BBOF1: variants seen among roughly 807,000 people sequenced by gnomAD.
BBOF1 encodes basal body orientation factor 1, also known as basal body-orientation factor 1.
In BBOF1, 62 loss-of-function variants were observed where a neutral mutation model predicts 68.0. That is an observed-to-expected ratio of 0.91 (90% CI 0.74 to 1.13). The LOEUF (loss-of-function observed/expected upper bound fraction) is 1.13. Among genes scored for constraint, BBOF1 ranks in the 50% most tolerant of loss-of-function variants. The pLI is 0.00. For synonymous variants in BBOF1, 208 were observed against 198.8 expected (o/e 1.05, Z -0.39); for missense variants, 534 against 600.1 (o/e 0.89, Z 1.15).
At chr14:74,024,736 G>A (rs1462152673) in intron 2 of BBOF1, among the ~76,000 whole-genome samples, 2 of 152,014 alleles carry the variant, frequency 1.3e-5, no homozygotes, top group African/African-American at 4.8e-5. Context: ...AAAGTGCTGG[G>A]ATTGCAAGCA....
chr14:74,019,509 G>C lies in BBOF1; in HGVS notation c.31G>C (p.Gly11Arg). ...GTCGAAGGGAAAGGACAAAAAGAAA[G>C]GCAAGAGCAAAGGCAAAGACACGAA... The part of the protein sequence containing the change: MPSKGKDKKK[G>R]KSKGKDTKKL... Residue 11 changes from glycine to arginine, a missense_variant, in exon 1 of 12, where the codon GGC becomes CGC. By Grantham distance (125) the Gly-to-Arg change is moderately radical. Transcript: ENST00000394009. The C allele has an allele frequency of 6.2e-7, 1 of 1,605,208 alleles. No homozygotes were observed. The highest frequency in any genetic ancestry group is 2.3e-5 in the East Asian group (1 of 44,386).
intron 8 of BBOF1, among the ~76,000 whole-genome samples, chr14:74,052,950 T>A (rs1481697554): frequency 4.9e-3 from 8 of 1,642 alleles, no homozygotes; most frequent in African/African-American, 0.035. Flanking sequence ...CAGTGAGCCA[T>A]GGCTGCAGTG....
At chr14:74,079,514 A>G (rs2060650634) in intron 10 of BBOF1, among the ~76,000 whole-genome samples, 1 of 151,136 alleles carries the variant, frequency 6.6e-6, no homozygotes, top group Admixed American at 6.6e-5. Flanking sequence ...GCTCACCGCA[A>G]GCTCCGCCTC....
chr14:74,053,222 C>G lies in BBOF1; in HGVS notation c.1287-2362C>G, dbSNP rs144707443. On this transcript the variant is annotated intron_variant, in intron 8 of 11. Coordinates refer to ENST00000394009, the MANE Select transcript of BBOF1 (RefSeq NM_025057.3). ...CTGACTTCCGGGTTCAAGCGATTCT[C>G]CTGCCTCAGCCTCCCAAGTAGCTGG... 2.6e-5 allele frequency among the ~76,000 whole-genome samples: 4 copies of G among 151,674 alleles called. No homozygotes were observed. The East Asian group carries it at 5.9e-4, about 22-fold the overall frequency.
chr14:74,022,304 TTC>T (rs1286669020), intron 1 of BBOF1, among the ~76,000 whole-genome samples: 2 of 152,124 alleles, frequency 1.3e-5, no homozygotes, highest in African/African-American at 4.8e-5. Flanking sequence ...TCTCAGCACT[TTC>T]GGAGGCTGAG....
intron 11 of BBOF1, chr14:74,058,400 C>G (rs1262256212): frequency 2.1e-5 from 3 of 146,138 alleles, no homozygotes; most frequent in Non-Finnish European, 3.0e-5. Flanking sequence ...ACAAGGGGTA[C>G]TGTAGTCTCA....
In BBOF1 at chr14:74,057,143, G is replaced by C; in HGVS notation, c.1464-1G>C. On this transcript the variant is annotated splice_acceptor_variant, in intron 10 of 11. Transcript: ENST00000394009. LOFTEE classifies it high-confidence loss of function. The stretch of plus-strand genomic sequence containing the variant: ...GTTCTGTTATTTTGTCATTATTGCA[G>C]GGATGAAAGTAAGCTTCAAGATAAA... 1 of 1,609,932 alleles carries C rather than the reference G, an allele frequency of 6.2e-7. No individual in the cohort carries two copies. The highest frequency in any genetic ancestry group is 8.5e-7 in the Non-Finnish European group (1 of 1,177,174).
intron 9 of BBOF1, among the ~76,000 whole-genome samples, chr14:74,073,068 A>G (rs1049486748): frequency 5.9e-5 from 9 of 152,090 alleles, no homozygotes; most frequent in Non-Finnish European, 8.8e-5. Flanking sequence ...CCAAAGTGCT[A>G]GGATTACAGG....
intron 5 of BBOF1, among the ~76,000 whole-genome samples, chr14:74,045,484 T>G (rs1300282161): frequency 6.6e-6 from 1 of 151,856 alleles, no homozygotes; most frequent in Non-Finnish European, 1.5e-5. Flanking sequence ...TAATTTTGTA[T>G]TTTTAGTAGA....
intron 3 of BBOF1, among the ~76,000 whole-genome samples, chr14:74,033,488 T>C (rs1004657370): frequency 6.6e-6 from 1 of 152,072 alleles, no homozygotes; most frequent in Non-Finnish European, 1.5e-5. Context: ...GAGAATTGCT[T>C]GAACCTGGGA....
chr14:74,059,700 A>G (rs901602080), intron 11 of BBOF1: 2 of 170,068 alleles, frequency 1.2e-5, no homozygotes, highest in African/African-American at 2.4e-5. Flanking sequence ...CATCTCAAAA[A>G]AAAGAAAAAA....
intron 8 of BBOF1, among the ~76,000 whole-genome samples, chr14:74,051,042 G>C (rs147874690): frequency 1.3e-5 from 2 of 151,542 alleles, no homozygotes; most frequent in Non-Finnish European, 2.9e-5. Flanking sequence ...TCAGGAGTTC[G>C]AGACCAGCCT....
At chr14:74,034,203 AT>A (rs1271710472) in intron 4 of BBOF1, 32 bp downstream of exon 4, 2 of 1,443,112 alleles carry the variant, frequency 1.4e-6, no homozygotes, top group African/African-American at 1.4e-5. Context: ...CAAAAAGGAA[AT>A]TAGAATTAAC....
At chr14:74,036,567 C>T (rs1483896385) in intron 4 of BBOF1, among the ~76,000 whole-genome samples, 1 of 151,740 alleles carries the variant, frequency 6.6e-6, no homozygotes, top group East Asian at 1.9e-4. Context: ...GCCTGTAGTC[C>T]CAGCTACTCC....
chr14:74,066,480 T>G (rs1047176294), downstream of BBOF1, among the ~76,000 whole-genome samples: 3 of 152,174 alleles, frequency 2.0e-5, no homozygotes, highest in African/African-American at 4.8e-5. Context: ...GCTGGAAATA[T>G]CTATCCCTTT....
Position 74,035,567 on chromosome 14 carries a change from A to G in BBOF1, c.495+1396A>G, listed in dbSNP as rs571470964. The stretch of plus-strand genomic sequence containing the variant: ...CGAGTAGCTGGGATTACAGGCGTGC[A>G]CCACCACCCCCAGCTAATTTTTTTT... On this transcript the variant is annotated intron_variant, in intron 4 of 11. Transcript: ENST00000394009. Among the ~76,000 whole-genome samples, 535 of 135,176 alleles carry G rather than the reference A, an allele frequency of 4.0e-3. 2 individuals carry two copies. The highest frequency in any genetic ancestry group is 0.016 in the African/African-American group (523 of 33,620). The allele number at this position is 135,176 out of a possible 152,430, so 88.7% of individuals were successfully genotyped here.
In BBOF1 at chr14:74,029,102, T is replaced by C. The variant is rs187744141; in HGVS notation, c.286-82T>C. The C allele has an allele frequency of 1.0e-4, 83 of 822,706 alleles. No homozygotes were observed. In the Admixed American group the frequency reaches 1.8e-3, roughly 18 times the overall value. The allele number at this position is 822,706 out of a possible 1,614,324, so 51.0% of individuals were successfully genotyped here. A position where few individuals can be genotyped will look rare whatever the true frequency, so the allele number is the denominator to read the frequency against. ...TCTTTTGCCATATTGGTTTTAGTAT[T>C]GTGTGAAACTAGTCTACTTAATAAA... On this transcript the variant is annotated intron_variant, in intron 2 of 11. Transcript: ENST00000394009.
chr14:74,049,362 C>T (rs536479845), intron 7 of BBOF1, among the ~76,000 whole-genome samples: 1 of 139,982 alleles, frequency 7.1e-6, no homozygotes, highest in African/African-American at 2.7e-5. Context: ...AAGGAACTTC[C>T]TAAGTTCTGG....
chr14:74,058,006 C>T, intron 11 of BBOF1: 4 of 708,318 alleles, frequency 5.6e-6, no homozygotes, highest in Non-Finnish European at 6.9e-6. Flanking sequence ...TTATTTAACC[C>T]AGCCTATAGT....
Sources: gnomAD v4.1 joint callset for allele counts (sites outside exome capture counted in the v4.1 genomes callset) on GRCh38, gnomAD v4.1.1 for gene constraint, MANE v1.5 for transcripts, NCBI Gene and HGNC (gene_info 2026-07-23, HGNC 2026-07-21) for gene names.